The following PLCE1 variants were observed in gnomAD, a reference collection of about 807,000 sequenced individuals.
PLCE1 encodes the protein 1-phosphatidylinositol 4,5-bisphosphate phosphodiesterase epsilon-1.
PLCE1 carries 119 observed loss-of-function variants against 242.8 expected under a neutral mutation model. The observed-to-expected ratio is 0.49, with a 90% CI of 0.42 to 0.57. The LOEUF is 0.57. Among genes scored for constraint, PLCE1 ranks in the 20% least tolerant of loss-of-function variants. The pLI is 0.00. For synonymous variants in PLCE1, 945 were observed against 1,017.4 expected, an observed-to-expected ratio of 0.93 and a Z score of 1.35; for missense variants, 2,441 against 2,788.8, an observed-to-expected ratio of 0.88 and a Z score of 2.81.
At chr10:94,090,732 G>A (rs2045034324) in intron 2 of PLCE1, among the ~76,000 whole-genome samples, 1 of 152,226 alleles carries the variant, frequency 6.6e-6, no homozygotes. Context: ...TTTGTTCGGT[G>A]AGCCCTTTCA....
In PLCE1 at chr10:94,265,629, T is replaced by C; in HGVS notation, c.4054-18T>C. ...TTTCCTTAACCTAAATAACACTTTT[T>C]TTTTTAATCCCTTGCAGAAGTTCGA... On this transcript the variant is annotated intron_variant, in intron 14 of 32. Coordinates refer to ENST00000371380, the MANE Select transcript of PLCE1 (RefSeq NM_016341.4). 6.2e-7 allele frequency: 1 copy of C among 1,610,602 alleles called. No homozygotes were observed. The highest frequency in any genetic ancestry group is 8.5e-7 in the Non-Finnish European group (1 of 1,177,026).
intron 2 of PLCE1, among the ~76,000 whole-genome samples, chr10:94,102,594 A>G (rs2045578556): frequency 6.6e-6 from 1 of 152,218 alleles, no homozygotes; most frequent in African/African-American, 2.4e-5. Flanking sequence ...ACGTGAAGAC[A>G]ATACATTCCA....
chr10:94,102,638 C>A (rs1211013556), intron 2 of PLCE1, among the ~76,000 whole-genome samples: 1 of 152,176 alleles, frequency 6.6e-6, no homozygotes, highest in Non-Finnish European at 1.5e-5. Flanking sequence ...GGTCACACAG[C>A]TGGTTATCAG....
intron 27 of PLCE1, 145 bp downstream of exon 27, chr10:94,308,844 C>T (rs1261412814): frequency 2.7e-6 from 2 of 751,198 alleles, no homozygotes; most frequent in Non-Finnish European, 2.4e-6. Context: ...ACACTTGGCA[C>T]TGACTAAGCA....
At chr10:94,201,562 G>T (rs754227564) in intron 4 of PLCE1, among the ~76,000 whole-genome samples, 2 of 152,116 alleles carry the variant, frequency 1.3e-5, no homozygotes, top group Admixed American at 6.5e-5. Flanking sequence ...TGCAAGCTCC[G>T]CCTCCTGGGT....
chr10:94,037,225 T>G (rs2061681876), intron 2 of PLCE1, among the ~76,000 whole-genome samples: 1 of 152,224 alleles, frequency 6.6e-6, no homozygotes, highest in Non-Finnish European at 1.5e-5. Context: ...GGTATACATG[T>G]CCTTGATTCT....
rs1259830097 is a variant in PLCE1, at chr10:94,252,443, G to A, written c.3224G>A (p.Arg1075Lys). ...AKNAEKPNMQRNNTLGISTTK... is the reference protein window; with the variant it reads ...AKNAEKPNMQKNNTLGISTTK... ...AATGCTGAGAAGCCCAATATGCAGA[G>A]AAACAATACCCTGGGCATAAGCACT... Residue 1075 changes from arginine (R) to lysine (K), a missense_variant, in exon 9 of 33, where the codon AGA becomes AAA. Physicochemically the swap from Arg to Lys is conservative, Grantham distance 26. Around this residue, in one of 5 missense-constraint regions of PLCE1, gnomAD observed 1,004 missense variants for 1,322.7 expected, o/e 0.76. Transcript: ENST00000371380. 6.2e-7 allele frequency: 1 copy of A among 1,613,978 alleles called. No homozygotes were observed. Among genetic ancestry groups the A allele is most frequent in the Middle Eastern group, 1.7e-4 (1 of 6,052 alleles).
At chr10:94,196,658 T>A (rs2048832390) in intron 4 of PLCE1, among the ~76,000 whole-genome samples, 1 of 152,006 alleles carries the variant, frequency 6.6e-6, no homozygotes, top group Admixed American at 6.6e-5. Context: ...AAAAAGACTT[T>A]GAGAGAGAGG....
intron 18 of PLCE1, 38 bp downstream of exon 18, chr10:94,270,640 C>G: frequency 8.3e-7 from 1 of 1,203,052 alleles, no homozygotes; most frequent in African/African-American, 1.5e-5. Flanking sequence ...GTATGTTGGC[C>G]CTTGTTTTGC....
chr10:94,283,090 G>A (rs951191759), intron 20 of PLCE1: 1 of 151,930 alleles, frequency 6.6e-6, no homozygotes, highest in Non-Finnish European at 1.5e-5. Context: ...ATTTTAAAAG[G>A]TCATCATCAC....
chr10:94,290,743 G>A (rs1182474780), intron 22 of PLCE1, among the ~76,000 whole-genome samples: 1 of 151,700 alleles, frequency 6.6e-6, no homozygotes, highest in Non-Finnish European at 1.5e-5. Flanking sequence ...ATGTAATGTA[G>A]AATGAGTATA....
At chr10:94,014,712 G>C (rs1178768332) in intron 1 of PLCE1, among the ~76,000 whole-genome samples, 1 of 152,184 alleles carries the variant, frequency 6.6e-6, no homozygotes. Context: ...CCTCTGCTCT[G>C]ATGTGTAGGA....
chr10:94,017,002 C>A (rs2061294847), intron 1 of PLCE1, among the ~76,000 whole-genome samples: 1 of 152,174 alleles, frequency 6.6e-6, no homozygotes, highest in Non-Finnish European at 1.5e-5. Context: ...TACTCATGTT[C>A]TGTGATGCAG....
At chr10:94,058,944 TG>T (rs1435643474) in intron 2 of PLCE1, among the ~76,000 whole-genome samples, 2 of 152,198 alleles carry the variant, frequency 1.3e-5, no homozygotes, top group Non-Finnish European at 2.9e-5. Context: ...TCTTTACTCA[TG>T]AATTTTTGCT....
chr10:94,325,040 G>A lies in PLCE1; in HGVS notation c.6869G>A (p.Gly2290Asp). 6.2e-7 allele frequency: 1 copy of A among 1,614,208 alleles called. No individual in the cohort carries two copies. Among genetic ancestry groups the A allele is most frequent in the Non-Finnish European group, 8.5e-7 (1 of 1,180,030 alleles). ...SIQTKEEKPV[G>D]GLSSSDTMDY... ...CAAACCAAGGAGGAGAAACCTGTGG[G>A]TGGCTTGTCCTCCAGTGACACAATG... Residue 2290 changes from glycine to aspartate, a missense_variant, in exon 32 of 33, where the codon GGT becomes GAT. Transcript: ENST00000371380.
chr10:94,308,721 C>T (rs1184214007), intron 27 of PLCE1, 22 bp downstream of exon 27: 2 of 1,480,768 alleles, frequency 1.4e-6, no homozygotes, highest in Non-Finnish European at 9.4e-7. Context: ...CTGTTTCACT[C>T]AACATATTTA....
chr10:94,029,024 G>A (rs990528167), intron 1 of PLCE1, among the ~76,000 whole-genome samples: 60 of 152,084 alleles, frequency 3.9e-4, no homozygotes, highest in African/African-American at 1.4e-3. Context: ...AATCCAGGAG[G>A]CAGAGGTTGC....
intron 4 of PLCE1, among the ~76,000 whole-genome samples, chr10:94,176,651 CT>C (rs1411106150): frequency 2.0e-5 from 3 of 152,148 alleles, no homozygotes; most frequent in African/African-American, 7.2e-5. Context: ...ATTGCCGGTG[CT>C]AGTCACTTGG....
rs1041055464 is a variant in PLCE1 at position 94,259,295 on chromosome 10, T to C, written c.3814+145T>C. On this transcript the variant is annotated intron_variant, in intron 13 of 32. Coordinates refer to ENST00000371380, the MANE Select transcript of PLCE1 (RefSeq NM_016341.4). ...GAAAGACTTAAGAGAATTTTTTTTTTTTTTTTGAGATGCAGTCTCACTCTG... is the reference window on the plus strand; with the variant it reads ...GAAAGACTTAAGAGAATTTTTTTTTCTTTTTTGAGATGCAGTCTCACTCTG... The C allele has an allele frequency of 1.4e-5, 12 of 854,522 alleles. No homozygotes were observed. The Admixed American group carries it at 2.2e-4, about 15-fold the overall frequency. The allele number at this position is 854,522 out of a possible 1,614,324, so 52.9% of individuals were successfully genotyped here. A position where few individuals can be genotyped will look rare whatever the true frequency, so the allele number is the denominator to read the frequency against.
Sources: gnomAD v4.1 joint callset for allele counts (sites outside exome capture counted in the v4.1 genomes callset) on GRCh38, gnomAD v4.1.1 for gene constraint, gnomAD v4.1.1 regional missense constraint, MANE v1.5 for transcripts, NCBI Gene and HGNC (gene_info 2026-07-23, HGNC 2026-07-21) for gene names.